The following RETREG3 variants were observed in gnomAD, a reference collection of about 807,000 sequenced individuals.
The protein encoded by RETREG3 is reticulophagy regulator 3.
Under a neutral mutation model 50.2 loss-of-function variants are expected in RETREG3, and 23 were observed. The observed-to-expected ratio is 0.46, with a 90% CI of 0.33 to 0.65. RETREG3 has a LOEUF of 0.65. RETREG3 is among the 30% of genes least tolerant of loss of function. The pLI is 0.02. For missense variants in RETREG3, 546 were observed against 598.0 expected, an observed-to-expected ratio of 0.91 and a Z score of 0.91; for synonymous variants, 240 against 234.4, an observed-to-expected ratio of 1.02 and a Z score of -0.22.
At chr17:42,591,680 T>C (rs1025563523) in intron 2 of RETREG3, among the ~76,000 whole-genome samples, 3 of 152,172 alleles carry the variant, frequency 2.0e-5, no homozygotes, top group African/African-American at 4.8e-5. Flanking sequence ...TTGCCTAGCC[T>C]AGTGTTTTGC....
chr17:42,586,724 T>C, intron 4 of RETREG3, 41 bp downstream of exon 4: 4 of 1,606,528 alleles, frequency 2.5e-6, no homozygotes, highest in South Asian at 1.1e-5. Context: ...TGAACTGAAC[T>C]GAGAGGCCAG....
chr17:42,598,448 AG>A (rs2093152377), intron 1 of RETREG3, among the ~76,000 whole-genome samples: 1 of 152,196 alleles, frequency 6.6e-6, no homozygotes, highest in Admixed American at 6.5e-5. Flanking sequence ...CTTCATCTGC[AG>A]GATGAAATCC....
chr17:42,584,083 C>T (rs1207498789), intron 6 of RETREG3, among the ~76,000 whole-genome samples: 1 of 152,188 alleles, frequency 6.6e-6, no homozygotes, highest in African/African-American at 2.4e-5. Context: ...GCTGGGATTA[C>T]AAGTGTGAGC....
chr17:42,596,601 T>C (rs2093145671), intron 1 of RETREG3: 1 of 152,050 alleles, frequency 6.6e-6, no homozygotes, highest in Non-Finnish European at 1.5e-5. Flanking sequence ...AAAGCTTGTT[T>C]TACCGCTTGA....
intron 1 of RETREG3, among the ~76,000 whole-genome samples, chr17:42,596,842 ATCTG>A (rs1322950549): frequency 6.6e-6 from 1 of 150,506 alleles, no homozygotes; most frequent in Non-Finnish European, 1.5e-5. Context: ...CTTTGAGGTG[ATCTG>A]TCTATTAAGT....
Position 42,581,992 on chromosome 17 carries a change from G to A in RETREG3, c.1222C>T (p.Leu408=), listed in dbSNP as rs376410076. The A allele has an allele frequency of 1.9e-6, 3 of 1,614,048 alleles. No individual in the cohort carries two copies. Among genetic ancestry groups the A allele is most frequent in the Non-Finnish European group, 2.5e-6 (3 of 1,180,046 alleles). The change falls in exon 9 of 9, where the codon CTG becomes TTG. Residue 408 remains leucine (L), a synonymous_variant. Transcript: ENST00000309428. ...ASLVSQGMIQ[L]ALSGASQPGP... ...GGTTGGGAGGCCCCTGACAAGGCCA[G>A]CTGAATCATACCCTGGGAGACCAGG...
Position 42,589,387 on chromosome 17 carries a change from C to T in RETREG3, c.347-1523G>A, listed in dbSNP as rs575839229. Among the ~76,000 whole-genome samples, 17 of 152,326 alleles carry T rather than the reference C, an allele frequency of 1.1e-4. No individual in the cohort carries two copies. The East Asian group carries it at 3.1e-3, about 28-fold the overall frequency. ...CTAAGTGTAATGCCATTCTGCCACTCTCTTAGCTTTAACCCCCATCCACTT... is the reference window on the plus strand; with the variant it reads ...CTAAGTGTAATGCCATTCTGCCACTTTCTTAGCTTTAACCCCCATCCACTT... On this transcript the variant is annotated intron_variant, in intron 2 of 8. Transcript: ENST00000309428.
At chr17:42,597,521 G>A (rs62078366) in intron 1 of RETREG3, among the ~76,000 whole-genome samples, 2,625 of 65,142 alleles carry the variant, frequency 0.04, 60 homozygotes, top group South Asian at 0.085. Context: ...GTGTGTGTGT[G>A]TGTATATATA....
chr17:42,605,099 A>G (rs75806904), intron 1 of RETREG3: 2 of 151,982 alleles, frequency 1.3e-5, no homozygotes, highest in African/African-American at 4.8e-5. Flanking sequence ...AAAAAAAAAA[A>G]GTATGAAAAC....
chr17:42,585,055 G>A, intron 6 of RETREG3, 70 bp downstream of exon 6: 2 of 1,579,430 alleles, frequency 1.3e-6, no homozygotes, highest in Non-Finnish European at 1.7e-6. Context: ...CACCCAGTAT[G>A]TCAGACCTAT....
At chr17:42,588,902 C>G (rs1405250058) in intron 2 of RETREG3, among the ~76,000 whole-genome samples, 1 of 152,116 alleles carries the variant, frequency 6.6e-6, no homozygotes, top group African/African-American at 2.4e-5. Flanking sequence ...GGTGATCCAC[C>G]CACCATAGCC....
At chr17:42,596,171 C>A (rs921313736) in intron 1 of RETREG3, among the ~76,000 whole-genome samples, 1 of 150,750 alleles carries the variant, frequency 6.6e-6, no homozygotes, top group Non-Finnish European at 1.5e-5. Context: ...GAGTTCGAGA[C>A]CAGCCTGGAC....
chr17:42,589,408 C>T (rs1385280912), intron 2 of RETREG3, among the ~76,000 whole-genome samples: 1 of 152,140 alleles, frequency 6.6e-6, no homozygotes, highest in Non-Finnish European at 1.5e-5. Flanking sequence ...AACCCCCATC[C>T]ACTTATGTCT....
At chr17:42,598,340 T>C (rs549777838) in intron 1 of RETREG3, among the ~76,000 whole-genome samples, 6 of 152,198 alleles carry the variant, frequency 3.9e-5, no homozygotes, top group East Asian at 1.9e-4. Flanking sequence ...GGGACTAAAA[T>C]TGATTTATGG....
rs1182640421 is a variant in RETREG3, at chr17:42,582,144, A to G, written c.1070T>C (p.Met357Thr). Residue 357 changes from methionine (M) to threonine (T), a missense_variant, in exon 9 of 9, where the codon ATG becomes ACG. Physicochemically the swap from Met to Thr is moderately conservative, Grantham distance 81. Transcript: ENST00000309428. ...DDTSIGMPSLMYRSPPGAEEP... is the reference protein window; with the variant it reads ...DDTSIGMPSLTYRSPPGAEEP... Reference sequence around the variant, plus strand: ...CTCAGCCCCTGGCGGAGAACGGTACATCAAGCTGGGCATGCCAATGCTAGT... The same window carrying G: ...CTCAGCCCCTGGCGGAGAACGGTACGTCAAGCTGGGCATGCCAATGCTAGT... The G allele has an allele frequency of 1.2e-6, 2 of 1,613,952 alleles. No homozygotes were observed. Among genetic ancestry groups the G allele is most frequent in the Non-Finnish European group, 1.7e-6 (2 of 1,180,030 alleles).
intron 2 of RETREG3, among the ~76,000 whole-genome samples, chr17:42,591,346 T>G (rs1249828237): frequency 1.3e-5 from 2 of 151,808 alleles, no homozygotes; most frequent in Non-Finnish European, 2.9e-5. Context: ...TACTTTCTTT[T>G]TTTTTTTTTT....
At position 42,600,743 on chromosome 17, in the gene RETREG3, A is replaced by G. The variant is rs374925643; in HGVS notation, c.239+8343T>C. On this transcript the variant is annotated intron_variant, in intron 1 of 8. Transcript: ENST00000309428. ...GATCCATTATCCACATATGTACTCT[A>G]AAAAGTGTGAAGACAGGCTATTCTC... Among the ~76,000 whole-genome samples, 5 of 152,244 alleles carry G rather than the reference A, an allele frequency of 3.3e-5. No individual in the cohort carries two copies. The East Asian group carries it at 5.8e-4, about 18-fold the overall frequency.
In RETREG3 at chr17:42,609,313, G is replaced by C; in HGVS notation, c.12C>G (p.Ala4=). 6.3e-7 allele frequency: 1 copy of C among 1,598,910 alleles called. No individual in the cohort carries two copies. Among genetic ancestry groups the C allele is most frequent in the Non-Finnish European group, 8.5e-7 (1 of 1,178,558 alleles). The change falls in exon 1 of 9, where the codon GCC becomes GCG. Residue 4 remains alanine, a synonymous_variant. Coordinates refer to ENST00000309428, the MANE Select transcript of RETREG3 (RefSeq NM_178126.4). The part of the protein sequence containing the change: MAE[A]EGVPTTPGPA... ...GGCCTGGGGTCGTGGGAACCCCTTC[G>C]GCCTCAGCCATCTCCCCGCGGCAGC... is the stretch of plus-strand genomic sequence containing the variant.
At chr17:42,588,238 C>T (rs2093125125) in intron 2 of RETREG3, among the ~76,000 whole-genome samples, 1 of 152,182 alleles carries the variant, frequency 6.6e-6, no homozygotes. Flanking sequence ...ACAACTCCAA[C>T]CCTAGAAATC....
Sources: allele counts gnomAD v4.1 joint callset (sites outside exome capture counted in the v4.1 genomes callset), GRCh38; gene constraint gnomAD v4.1.1; transcripts MANE v1.5; gene names NCBI Gene and HGNC (gene_info 2026-07-23, HGNC 2026-07-21).